The following NSUN6 variants were observed in gnomAD, a reference collection of about 807,000 sequenced individuals.
NSUN6 encodes tRNA (cytosine(72)-C(5))-methyltransferase NSUN6.
In NSUN6, 64 loss-of-function variants were observed where a neutral mutation model predicts 58.0. The observed-to-expected ratio is 1.10, with a 90% CI of 0.90 to 1.36. NSUN6 has a LOEUF of 1.36. NSUN6 is among the 40% of genes most tolerant of loss of function. The probability of loss-of-function intolerance (pLI) is 0.00; values close to 1 mark genes in which losing one functional copy is unlikely to be tolerated. For missense variants in NSUN6, 701 were observed against 550.1 expected (o/e 1.27, Z -2.74); for synonymous variants, 231 against 193.9 (o/e 1.19, Z -1.59).
At chr10:18,658,695 C>A, upstream of NSUN6, 1 of 978,184 alleles carries the variant, frequency 1.0e-6, no homozygotes, top group African/African-American at 1.8e-5. Context: ...CCAATCAATT[C>A]TTTTCAGAAC....
upstream of NSUN6, among the ~76,000 whole-genome samples, chr10:18,657,251 T>G (rs2059787576): frequency 1.3e-5 from 2 of 152,236 alleles, no homozygotes; most frequent in African/African-American, 4.8e-5. Context: ...TGGCTATTTT[T>G]CTTTCCCTCC....
chr10:18,604,122 C>A (rs1295183160), intron 6 of NSUN6, among the ~76,000 whole-genome samples: 1 of 152,058 alleles, frequency 6.6e-6, no homozygotes, highest in Non-Finnish European at 1.5e-5. Flanking sequence ...GCGGAGGCTG[C>A]AGTGAGCTGA....
chr10:18,627,837 G>C (rs1052581296), intron 3 of NSUN6, among the ~76,000 whole-genome samples: 3 of 152,228 alleles, frequency 2.0e-5, no homozygotes, highest in African/African-American at 7.2e-5. Flanking sequence ...GGGGAGGGGC[G>C]CCAGCCATTG....
chr10:18,631,632 C>A (rs1226650574), intron 3 of NSUN6, among the ~76,000 whole-genome samples: 1 of 143,452 alleles, frequency 7.0e-6, no homozygotes, highest in African/African-American at 2.6e-5. Flanking sequence ...AGAGCCAAAT[C>A]ATGAGTGAAC....
At chr10:18,622,886 T>C (rs918028235) in intron 3 of NSUN6, among the ~76,000 whole-genome samples, 7 of 152,236 alleles carry the variant, frequency 4.6e-5, no homozygotes, top group African/African-American at 1.7e-4. Flanking sequence ...GGAGCATTAA[T>C]TGAGAGAATA....
At chr10:18,625,730 A>ATT (rs1564819309) in intron 3 of NSUN6, among the ~76,000 whole-genome samples, 9 of 148,356 alleles carry the variant, frequency 6.1e-5, no homozygotes, top group Non-Finnish European at 9.0e-5. Context: ...TAAAAAAAAA[A>ATT]AAAAAAAAAA....
intron 8 of NSUN6, among the ~76,000 whole-genome samples, chr10:18,582,175 T>G (rs1264900129): frequency 6.6e-6 from 1 of 152,128 alleles, no homozygotes; most frequent in African/African-American, 2.4e-5. Context: ...GATCACCAGT[T>G]TCATGTTTTT....
In NSUN6 at chr10:18,651,220, T is replaced by C; in HGVS notation, c.-17A>G. 1 of 1,545,042 alleles carries C rather than the reference T, an allele frequency of 6.5e-7. No individual in the cohort carries two copies. The highest frequency in any genetic ancestry group is 2.4e-5 in the Admixed American group (1 of 41,612). Reference sequence around the variant, plus strand: ...AATAGACATTTTTCCTGTTGTTTAGTTCTCCACCAAGAGAAATGCTGGAAA... The same window carrying C: ...AATAGACATTTTTCCTGTTGTTTAGCTCTCCACCAAGAGAAATGCTGGAAA... On this transcript the variant is annotated 5_prime_UTR_variant, in exon 1 of 11. Coordinates refer to ENST00000377304, the MANE Select transcript of NSUN6 (RefSeq NM_182543.5).
intron 10 of NSUN6, 65 bp from the exon 11 acceptor site, chr10:18,546,210 TTTAAG>T: frequency 8.9e-7 from 1 of 1,124,492 alleles, no homozygotes; most frequent in East Asian, 2.3e-5. Context: ...ACTGCTACAA[TTTAAG>T]TTAAAAGACA....
At chr10:18,633,057 C>T (rs1326389952) in intron 3 of NSUN6, among the ~76,000 whole-genome samples, 1 of 151,640 alleles carries the variant, frequency 6.6e-6, no homozygotes, top group Admixed American at 6.6e-5. Flanking sequence ...ACATATACAC[C>T]ATGGAATACT....
intron 2 of NSUN6, among the ~76,000 whole-genome samples, chr10:18,645,858 T>C (rs1302587574): frequency 6.6e-6 from 1 of 152,206 alleles, no homozygotes; most frequent in Non-Finnish European, 1.5e-5. Flanking sequence ...TTCCAGCTTC[T>C]CCATATTGTC....
intron 7 of NSUN6, among the ~76,000 whole-genome samples, chr10:18,589,681 T>C (rs1426856784): frequency 2.0e-5 from 3 of 152,116 alleles, no homozygotes; most frequent in Non-Finnish European, 4.4e-5. Flanking sequence ...AAAGGAGAAA[T>C]AAAATCCTTT....
At chr10:18,653,646 T>G (rs901139696), upstream of NSUN6, among the ~76,000 whole-genome samples, 2 of 152,222 alleles carry the variant, frequency 1.3e-5, no homozygotes, top group African/African-American at 4.8e-5. Context: ...GTGCTGGGAT[T>G]ACAGGCGTGA....
chr10:18,655,198 A>C, upstream of NSUN6: 1 of 963,706 alleles, frequency 1.0e-6, no homozygotes, highest in Non-Finnish European at 1.2e-6. Context: ...CAAACAACAT[A>C]GATTCTTACA....
At chr10:18,622,874 G>T (rs992625013) in intron 3 of NSUN6, among the ~76,000 whole-genome samples, 2 of 152,222 alleles carry the variant, frequency 1.3e-5, no homozygotes, top group Non-Finnish European at 2.9e-5. Context: ...ATCAAAAAGG[G>T]AGGAGCATTA....
At chr10:18,648,735 CTTAG>C in intron 1 of NSUN6, 90 bp from the exon 2 acceptor site, 1 of 709,120 alleles carries the variant, frequency 1.4e-6, no homozygotes, top group South Asian at 1.8e-5. Flanking sequence ...TGAAACATCG[CTTAG>C]CAATTGTTCA....
chr10:18,612,787 T>C (rs2058281545), intron 5 of NSUN6, among the ~76,000 whole-genome samples: 1 of 152,244 alleles, frequency 6.6e-6, no homozygotes, highest in Non-Finnish European at 1.5e-5. Flanking sequence ...AAAAATACTT[T>C]TGTAGCCACA....
intron 3 of NSUN6, among the ~76,000 whole-genome samples, chr10:18,621,959 T>C (rs902833137): frequency 1.3e-5 from 2 of 152,224 alleles, no homozygotes; most frequent in South Asian, 2.1e-4. Flanking sequence ...ATTTAATCAG[T>C]AGTCCTTGTG....
intron 3 of NSUN6, among the ~76,000 whole-genome samples, chr10:18,633,709 A>G (rs2059116821): frequency 6.6e-6 from 1 of 152,204 alleles, no homozygotes; most frequent in African/African-American, 2.4e-5. Flanking sequence ...AAGAAGAAAT[A>G]GATTGTCAGA....
Sources: gnomAD v4.1 joint callset for allele counts (sites outside exome capture counted in the v4.1 genomes callset) on GRCh38, gnomAD v4.1.1 for gene constraint, MANE v1.5 for transcripts, NCBI Gene and HGNC (gene_info 2026-07-23, HGNC 2026-07-21) for gene names.